Variants in SLC25A26 observed in about 807,000 individuals in gnomAD.
SLC25A26 encodes mitochondrial S-adenosylmethionine carrier protein.
A neutral mutation model predicts 37.8 loss-of-function variants in SLC25A26; 36 were observed. That is an observed-to-expected ratio of 0.95 (90% CI 0.73 to 1.26). The LOEUF (loss-of-function observed/expected upper bound fraction) is 1.26. SLC25A26 is among the 50% of genes most tolerant of loss of function. The pLI, the probability that SLC25A26 is intolerant of heterozygous loss-of-function variation, is 0.00. For synonymous variants in SLC25A26, 129 were observed against 122.5 expected (o/e 1.05, Z -0.35); for missense variants, 390 against 331.1 (o/e 1.18, Z -1.38).
intron 1 of SLC25A26, among the ~76,000 whole-genome samples, chr3:66,204,155 G>A (rs934008852): frequency 6.6e-6 from 1 of 152,172 alleles, no homozygotes; most frequent in Non-Finnish European, 1.5e-5. Flanking sequence ...GCCGGGCGCG[G>A]TGGCTCACGC....
At chr3:66,297,383 C>G (rs1031473803) in intron 5 of SLC25A26, among the ~76,000 whole-genome samples, 1 of 149,836 alleles carries the variant, frequency 6.7e-6, no homozygotes, top group Non-Finnish European at 1.5e-5. Context: ...CTGAGATGCT[C>G]TTTTGCTTAG....
At chr3:66,221,169 G>C in intron 1 of SLC25A26, 42 bp downstream of exon 1, 2 of 1,500,104 alleles carry the variant, frequency 1.3e-6, no homozygotes, top group Middle Eastern at 1.8e-4. Context: ...GAGTGCCGGC[G>C]TCCGGCATTG....
intron 7 of SLC25A26, among the ~76,000 whole-genome samples, chr3:66,364,849 T>C (rs1442864168): frequency 6.6e-6 from 1 of 152,194 alleles, no homozygotes; most frequent in East Asian, 1.9e-4. Context: ...AAGCATCTTA[T>C]TTTTTTCTGC....
chr3:66,177,218 G>T (rs2070602849), intron 1 of SLC25A26, among the ~76,000 whole-genome samples: 1 of 152,212 alleles, frequency 6.6e-6, no homozygotes, highest in African/African-American at 2.4e-5. Flanking sequence ...CCACAGTGAA[G>T]TCAGCTGACA....
At chr3:66,273,199 A>G (rs2074015169) in intron 5 of SLC25A26, among the ~76,000 whole-genome samples, 1 of 152,036 alleles carries the variant, frequency 6.6e-6, no homozygotes, top group Non-Finnish European at 1.5e-5. Context: ...GTTTGCCAGT[A>G]TTTTATTGAG....
chr3:66,305,216 T>C (rs1196412333), intron 5 of SLC25A26, among the ~76,000 whole-genome samples: 1 of 152,238 alleles, frequency 6.6e-6, no homozygotes, highest in African/African-American at 2.4e-5. Context: ...CGTCTAAATT[T>C]AGGAAATGGA....
chr3:66,281,826 T>G (rs1300386922), intron 5 of SLC25A26, among the ~76,000 whole-genome samples: 1 of 144,248 alleles, frequency 6.9e-6, no homozygotes, highest in Non-Finnish European at 1.5e-5. Context: ...TTAGTCCTTT[T>G]TTTTTTTTTT....
At chr3:66,314,058 A>G (rs907118230) in intron 5 of SLC25A26, among the ~76,000 whole-genome samples, 1 of 152,164 alleles carries the variant, frequency 6.6e-6, no homozygotes, top group Non-Finnish European at 1.5e-5. Context: ...GTATCATGTC[A>G]TCTGCAAACA....
chr3:66,279,395 G>C (rs2074262776), intron 5 of SLC25A26, among the ~76,000 whole-genome samples: 2 of 152,136 alleles, frequency 1.3e-5, no homozygotes, highest in African/African-American at 4.8e-5. Flanking sequence ...TTTGCCAACA[G>C]CTCTGCCTCT....
At chr3:66,305,653 C>T (rs141740678) in intron 5 of SLC25A26, among the ~76,000 whole-genome samples, 1,673 of 152,156 alleles carry the variant, frequency 0.011, 37 homozygotes, top group African/African-American at 0.038. Context: ...GTGTTGTTTC[C>T]CTCCCTGTGT....
rs72901282 is a variant in SLC25A26, at chr3:66,255,967, A to G, written c.301-6084A>G. On this transcript the variant is annotated intron_variant, in intron 3 of 9. Transcript: ENST00000354883. ...AGGCTTTTCAAAGTTTTTCTTCTGC[A>G]TCTGTATTTTTAAGAACTAAAAACA... Among the ~76,000 whole-genome samples, 839 of 152,290 alleles carry G rather than the reference A, an allele frequency of 5.5e-3. 7 individuals are homozygous for G. The highest frequency in any genetic ancestry group is 0.018 in the African/African-American group (753 of 41,562).
chr3:66,174,169 C>G (rs1186513939), intron 1 of SLC25A26, among the ~76,000 whole-genome samples: 1 of 152,060 alleles, frequency 6.6e-6, no homozygotes, highest in Admixed American at 6.5e-5. Flanking sequence ...TTCCTCCAAA[C>G]AAGACTTATT....
At chr3:66,225,740 A>G (rs1553660324) in intron 1 of SLC25A26, among the ~76,000 whole-genome samples, 1 of 152,132 alleles carries the variant, frequency 6.6e-6, no homozygotes, top group Non-Finnish European at 1.5e-5. Flanking sequence ...TGCCACTTAG[A>G]AATTTCTTCT....
chr3:66,280,728 G>A (rs759500576), intron 5 of SLC25A26, among the ~76,000 whole-genome samples: 2 of 151,938 alleles, frequency 1.3e-5, no homozygotes, highest in African/African-American at 4.8e-5. Flanking sequence ...AAGGTAAAAC[G>A]TGTATTTTTT....
At chr3:66,162,352 T>A (rs559492898) in intron 1 of SLC25A26, among the ~76,000 whole-genome samples, 65 of 151,320 alleles carry the variant, frequency 4.3e-4, no homozygotes, top group African/African-American at 1.6e-3. Context: ...TTCTTTTTTT[T>A]TTTTTTTTGT....
chr3:66,369,665 CT>C, intron 8 of SLC25A26, 123 bp downstream of exon 8: 3 of 774,110 alleles, frequency 3.9e-6, no homozygotes, highest in Non-Finnish European at 6.4e-6. Context: ...CTTATGCTGC[CT>C]GTGCAACCTC....
rs955098810 is a variant in SLC25A26, at chr3:66,188,333, A to T, written c.-353-32409A>T. Reference sequence around the variant, plus strand: ...TTTGTCTCCTCCAAACCTCATTTTGAAATTTGATCCTCAGTGTTGGAGGTG... The same window carrying T: ...TTTGTCTCCTCCAAACCTCATTTTGTAATTTGATCCTCAGTGTTGGAGGTG... On this transcript the variant is annotated intron_variant, in intron 1 of 10. Transcript: ENST00000676754. 1.5e-3 allele frequency among the ~76,000 whole-genome samples: 229 copies of T among 152,268 alleles called. 1 individual carries two copies. The highest frequency in any genetic ancestry group is 5.2e-3 in the African/African-American group (218 of 41,560).
At chr3:66,225,463 A>G (rs1328449525) in intron 1 of SLC25A26, among the ~76,000 whole-genome samples, 2 of 152,120 alleles carry the variant, frequency 1.3e-5, no homozygotes, top group African/African-American at 4.8e-5. Flanking sequence ...GCACACAGCA[A>G]GGGGGCCCTG....
At chr3:66,374,056 C>G (rs1559751799) in intron 9 of SLC25A26, among the ~76,000 whole-genome samples, 1 of 150,734 alleles carries the variant, frequency 6.6e-6, no homozygotes, top group Non-Finnish European at 1.5e-5. Flanking sequence ...GCATACTTGA[C>G]CATTTTCAGT....
Sources: gnomAD v4.1 joint callset for allele counts (sites outside exome capture counted in the v4.1 genomes callset) on GRCh38, gnomAD v4.1.1 for gene constraint, MANE v1.5 for transcripts, NCBI Gene and HGNC (gene_info 2026-07-23, HGNC 2026-07-21) for gene names.